Variants in PCDH15 observed in about 807,000 individuals in gnomAD.
PCDH15 encodes protocadherin related 15.
PCDH15 carries 129 observed loss-of-function variants against 178.5 expected under a neutral mutation model. The observed-to-expected ratio is 0.72, with a 90% CI of 0.63 to 0.84. The LOEUF is 0.84. PCDH15 is among the 40% of genes least tolerant of loss of function. The pLI, the probability that PCDH15 is intolerant of heterozygous loss-of-function variation, is 0.00. For missense variants in PCDH15, 2,230 were observed against 2,099.9 expected (o/e 1.06, Z -1.21); for synonymous variants, 800 against 732.0 (o/e 1.09, Z -1.50).
chr10:55,189,216 C>T (rs1839879191), intron 1 of PCDH15, among the ~76,000 whole-genome samples: 1 of 151,824 alleles, frequency 6.6e-6, no homozygotes, highest in African/African-American at 2.4e-5. Flanking sequence ...TTGTAAAAAA[C>T]GATTTTACTA....
At chr10:54,270,006 A>G (rs1172858044) in intron 8 of PCDH15, among the ~76,000 whole-genome samples, 2 of 152,100 alleles carry the variant, frequency 1.3e-5, no homozygotes, top group African/African-American at 2.4e-5. Flanking sequence ...TACATATTTT[A>G]TGTTGGAAGT....
intron 2 of PCDH15, among the ~76,000 whole-genome samples, chr10:54,636,040 A>T (rs2093844431): frequency 1.3e-5 from 2 of 151,924 alleles, no homozygotes; most frequent in Non-Finnish European, 2.9e-5. Context: ...AGAAGCTCAA[A>T]AAAGTAAGTA....
At chr10:54,966,695 T>A (rs1838801267) in intron 2 of PCDH15, among the ~76,000 whole-genome samples, 2 of 152,040 alleles carry the variant, frequency 1.3e-5, no homozygotes, top group Admixed American at 1.3e-4. Context: ...AGTGAATAAG[T>A]CTCATGAGAT....
intron 13 of PCDH15, among the ~76,000 whole-genome samples, chr10:54,155,525 G>A (rs1272229726): frequency 1.3e-5 from 2 of 152,068 alleles, no homozygotes; most frequent in African/African-American, 2.4e-5. Context: ...AATGGGTTAT[G>A]AGTCAATATA....
chr10:53,988,083 C>G (rs371541334), intron 21 of PCDH15, among the ~76,000 whole-genome samples: 1 of 152,186 alleles, frequency 6.6e-6, no homozygotes, highest in Admixed American at 6.5e-5. Context: ...CCATCCCAGG[C>G]TCTTTAAATG....
chr10:54,773,902 A>G (rs1252496369), intron 1 of PCDH15, among the ~76,000 whole-genome samples: 1 of 152,064 alleles, frequency 6.6e-6, no homozygotes, highest in African/African-American at 2.4e-5. Flanking sequence ...GTCAGCTTCA[A>G]AACTGTGTAA....
intron 13 of PCDH15, among the ~76,000 whole-genome samples, chr10:54,162,848 C>A (rs2045849873): frequency 6.6e-6 from 1 of 151,968 alleles, no homozygotes; most frequent in South Asian, 2.1e-4. Flanking sequence ...GCAGCCATAG[C>A]TTATACATGT....
chr10:53,990,923 C>T (rs528282714), intron 21 of PCDH15, among the ~76,000 whole-genome samples: 14 of 152,264 alleles, frequency 9.2e-5, no homozygotes, highest in African/African-American at 2.6e-4. Flanking sequence ...CTGGCGCCAC[C>T]GGCCCTGGGC....
chr10:55,034,922 A>G (rs1840697684), intron 2 of PCDH15, among the ~76,000 whole-genome samples: 1 of 152,190 alleles, frequency 6.6e-6, no homozygotes, highest in Non-Finnish European at 1.5e-5. Flanking sequence ...ATAATGGAAA[A>G]GATATTGTAA....
At position 55,611,297 on chromosome 10, in the gene PCDH15, G is replaced by T. The variant is rs535179137; in HGVS notation, c.-156+16328C>A. Among the ~76,000 whole-genome samples, 11 of 151,950 alleles carry T rather than the reference G, an allele frequency of 7.2e-5. No homozygotes were observed. The South Asian group carries it at 2.3e-3, about 31-fold the overall frequency. On this transcript the variant is annotated intron_variant, in intron 2 of 5. Transcript: ENST00000613346. ...AGAGTTAATATACAAAATATACAAG[G>T]AATTCAACTCAATAACAATAAAACA...
At chr10:55,056,220 C>T (rs1192017727) in intron 2 of PCDH15, among the ~76,000 whole-genome samples, 1 of 152,010 alleles carries the variant, frequency 6.6e-6, no homozygotes, top group Non-Finnish European at 1.5e-5. Context: ...AATAAATGAA[C>T]AACAACACCA....
chr10:54,519,757 C>T (rs1200902019), intron 3 of PCDH15, among the ~76,000 whole-genome samples: 2 of 152,140 alleles, frequency 1.3e-5, no homozygotes, highest in African/African-American at 4.8e-5. Context: ...ATCACCAAGT[C>T]AATCCTAAGC....
intron 2 of PCDH15, among the ~76,000 whole-genome samples, chr10:55,503,495 A>G (rs1840699149): frequency 6.6e-6 from 1 of 150,786 alleles, no homozygotes; most frequent in African/African-American, 2.4e-5. Flanking sequence ...AATTTAATTA[A>G]TTACATTGAA....
At chr10:54,649,866 G>A (rs1326221174) in intron 2 of PCDH15, among the ~76,000 whole-genome samples, 1 of 152,050 alleles carries the variant, frequency 6.6e-6, no homozygotes, top group African/African-American at 2.4e-5. Flanking sequence ...TTTTTGAATT[G>A]TTGTTTGAAC....
intron 13 of PCDH15, among the ~76,000 whole-genome samples, chr10:54,167,741 ACCCCAACCTCTTATCTCTGCG>A (rs2046377754): frequency 6.7e-6 from 1 of 149,398 alleles, no homozygotes; most frequent in African/African-American, 2.5e-5. Flanking sequence ...TTATTTCCGC[ACCCCAACCTCTTATCTCTGCG>A]CCCCAATCCC....
At chr10:54,055,255 GT>G (rs1428334210) in intron 18 of PCDH15, among the ~76,000 whole-genome samples, 4 of 152,100 alleles carry the variant, frequency 2.6e-5, no homozygotes, top group African/African-American at 9.7e-5. Flanking sequence ...GAATACATTT[GT>G]GTTTTAAGTT....
intron 3 of PCDH15, among the ~76,000 whole-genome samples, chr10:54,894,713 G>A (rs1261178012): frequency 6.6e-6 from 1 of 152,124 alleles, no homozygotes; most frequent in Non-Finnish European, 1.5e-5. Context: ...GCATGTGAAT[G>A]AAGGAAGTCT....
At chr10:54,916,905 T>C (rs554404889) in intron 2 of PCDH15, among the ~76,000 whole-genome samples, 1 of 152,288 alleles carries the variant, frequency 6.6e-6, no homozygotes, top group East Asian at 1.9e-4. Flanking sequence ...GGCTTGCATC[T>C]TGGTATGTAG....
chr10:54,239,077 T>C (rs917354344), intron 8 of PCDH15, among the ~76,000 whole-genome samples: 1 of 152,120 alleles, frequency 6.6e-6, no homozygotes, highest in Non-Finnish European at 1.5e-5. Context: ...ATTTCTTATC[T>C]AGAAATTAAA....
Sources: allele counts gnomAD v4.1 joint callset (sites outside exome capture counted in the v4.1 genomes callset), GRCh38; gene constraint gnomAD v4.1.1; transcripts MANE v1.5; gene names NCBI Gene and HGNC (gene_info 2026-07-23, HGNC 2026-07-21).